Variants in SH3RF2 observed in about 807,000 individuals in gnomAD.
SH3RF2 encodes the protein E3 ubiquitin-protein ligase SH3RF2.
SH3RF2 carries 43 observed loss-of-function variants against 59.0 expected under a neutral mutation model. The ratio of observed to expected loss-of-function variants is 0.73; its 90% CI spans 0.57 to 0.94. The LOEUF (loss-of-function observed/expected upper bound fraction) is 0.94, where lower values mean the gene tolerates loss of function less well. SH3RF2 is among the 40% of genes least tolerant of loss of function. SH3RF2 has a pLI of 0.00. For synonymous variants in SH3RF2, 391 were observed against 391.5 expected (o/e 1.00, Z 0.01); for missense variants, 930 against 940.1 (o/e 0.99, Z 0.14).
chr5:145,950,564 G>C (rs1421694631), intron 2 of SH3RF2, among the ~76,000 whole-genome samples: 2 of 152,098 alleles, frequency 1.3e-5, no homozygotes, highest in Non-Finnish European at 2.9e-5. Context: ...TTCAGTGAGA[G>C]AAAAGAGGGA....
At chr5:145,970,272 C>G (rs113997436) in intron 2 of SH3RF2, among the ~76,000 whole-genome samples, 1 of 151,932 alleles carries the variant, frequency 6.6e-6, no homozygotes, top group African/African-American at 2.4e-5. Context: ...TTCACCTCCC[C>G]CTGCCACCCT....
rs535783660 is a variant in SH3RF2, at chr5:146,037,146, G to A, written c.1060-10626G>A. ...TAACCATTTATTGGGTACCTCATGT[G>A]AGCCGGACATTATGCAAAGCACTTT... On this transcript the variant is annotated intron_variant, in intron 5 of 9. Transcript: ENST00000359120. Among the ~76,000 whole-genome samples the A allele has an allele frequency of 1.1e-4, 17 of 152,298 alleles. No individual in the cohort carries two copies. The East Asian group carries it at 2.9e-3, about 26-fold the overall frequency.
chr5:145,938,186 CTCCT>C lies in SH3RF2; in HGVS notation c.262_265del (p.Phe88AlafsTer6). On this transcript the variant is annotated frameshift_variant, in exon 2 of 10. Coordinates refer to ENST00000359120, the MANE Select transcript of SH3RF2 (RefSeq NM_152550.4). LOFTEE classifies it high-confidence loss of function. ...CAGGGCAGAGCTCCGGGAGAGGGGG[CTCCT>C]TCCGCAGGCCTGGCACGATGACCTT... The C allele has an allele frequency of 1.9e-6, 3 of 1,613,994 alleles. No homozygotes were observed. Among genetic ancestry groups the C allele is most frequent in the Non-Finnish European group, 2.5e-6 (3 of 1,180,028 alleles).
At chr5:145,999,738 C>T (rs939435122) in intron 2 of SH3RF2, among the ~76,000 whole-genome samples, 2 of 152,036 alleles carry the variant, frequency 1.3e-5, no homozygotes, top group African/African-American at 4.8e-5. Context: ...TGGCGCCCCC[C>T]GAGACATTAC....
At chr5:145,964,791 C>T (rs1457841992) in intron 2 of SH3RF2, among the ~76,000 whole-genome samples, 7 of 152,188 alleles carry the variant, frequency 4.6e-5, no homozygotes, top group African/African-American at 1.2e-4. Context: ...TCACAAAGCA[C>T]GCTCCAGCAG....
chr5:146,071,020 A>G (rs1465239607), intron 9 of SH3RF2, among the ~76,000 whole-genome samples: 2 of 152,196 alleles, frequency 1.3e-5, no homozygotes, highest in Admixed American at 6.5e-5. Context: ...TTTGACTGCT[A>G]TAGGTCACAC....
chr5:146,047,721 T>C, intron 5 of SH3RF2, 51 bp from the exon 6 acceptor site: 2 of 1,569,564 alleles, frequency 1.3e-6, no homozygotes, highest in Non-Finnish European at 1.8e-6. Flanking sequence ...GCTGTGGGCC[T>C]GGGTTGTGGC....
intron 3 of SH3RF2, among the ~76,000 whole-genome samples, chr5:146,003,035 A>T (rs892413589): frequency 1.3e-5 from 2 of 152,236 alleles, no homozygotes; most frequent in African/African-American, 4.8e-5. Context: ...ATTTAAATCA[A>T]TCCTAATTCC....
rs146894450 is a variant in SH3RF2, at chr5:146,035,262, G to C, written c.1060-12510G>C. The stretch of plus-strand genomic sequence containing the variant: ...AGAGACAACAAACACATGGCAGAAA[G>C]TAAATTTTCTGAAGATGCTGAGATG... On this transcript the variant is annotated intron_variant, in intron 5 of 9. Coordinates refer to ENST00000359120, the MANE Select transcript of SH3RF2 (RefSeq NM_152550.4). 9.5e-3 allele frequency among the ~76,000 whole-genome samples: 1,441 copies of C among 152,240 alleles called. 30 individuals carry two copies. The highest frequency in any genetic ancestry group is 0.033 in the African/African-American group (1,379 of 41,532).
intron 4 of SH3RF2, among the ~76,000 whole-genome samples, chr5:146,007,261 C>T (rs1025968041): frequency 6.6e-6 from 1 of 152,180 alleles, no homozygotes; most frequent in African/African-American, 2.4e-5. Context: ...GTTAGGAGGC[C>T]TCTGCATTGC....
intron 2 of SH3RF2, among the ~76,000 whole-genome samples, chr5:145,987,170 A>G (rs1561725023): frequency 6.6e-6 from 1 of 152,202 alleles, no homozygotes; most frequent in African/African-American, 2.4e-5. Flanking sequence ...CAGGAATGAG[A>G]AAACAGGAAA....
rs184168026 is a variant in SH3RF2, at chr5:145,985,310, C to A, written c.379-14748C>A. 4.5e-4 allele frequency among the ~76,000 whole-genome samples: 69 copies of A among 152,306 alleles called. 1 individual carries two copies. The highest frequency in any genetic ancestry group is 1.6e-3 in the African/African-American group (66 of 41,562). On this transcript the variant is annotated intron_variant, in intron 2 of 9. Coordinates refer to ENST00000359120, the MANE Select transcript of SH3RF2 (RefSeq NM_152550.4). The stretch of plus-strand genomic sequence containing the variant: ...AAATAAGTATAAATACGCACACACA[C>A]AAACTTGTAAATCTTAAAAGATGGA...
At chr5:145,996,753 G>A (rs1760169829) in intron 2 of SH3RF2, among the ~76,000 whole-genome samples, 1 of 151,966 alleles carries the variant, frequency 6.6e-6, no homozygotes, top group Non-Finnish European at 1.5e-5. Flanking sequence ...TCACAGCCCT[G>A]TTCCTTGGGT....
At chr5:145,996,518 ATT>A (rs5871952) in intron 2 of SH3RF2, among the ~76,000 whole-genome samples, 1 of 151,940 alleles carries the variant, frequency 6.6e-6, no homozygotes, top group Admixed American at 6.5e-5. Context: ...GCTTGAGCTG[ATT>A]TTTTTTAAAA....
chr5:145,994,901 C>G (rs1293796921), intron 2 of SH3RF2, among the ~76,000 whole-genome samples: 2 of 152,144 alleles, frequency 1.3e-5, no homozygotes, highest in Non-Finnish European at 2.9e-5. Context: ...TAAAGGTTAG[C>G]TATTGATATT....
At position 145,938,158 on chromosome 5, in the gene SH3RF2, G is replaced by T; in HGVS notation, c.230G>T (p.Arg77Leu). The change falls in exon 2 of 10, where the codon CGC (arginine) becomes CTC (leucine). Residue 77 changes from arginine (R) to leucine (L), a missense_variant. Physicochemically the swap from Arg to Leu is moderately radical, Grantham distance 102. Transcript: ENST00000359120. ...CTCGTGCGCCTTCTGGATGGAGTGC[G>T]CTCAGGGCAGAGCTCCGGGAGAGGG... ...LLLVRLLDGV[R>L]SGQSSGRGGS... is the part of the protein sequence containing the mutation. 1 of 1,614,154 alleles carries T rather than the reference G, an allele frequency of 6.2e-7. No homozygotes were observed. The highest frequency in any genetic ancestry group is 8.5e-7 in the Non-Finnish European group (1 of 1,180,036).
intron 2 of SH3RF2, among the ~76,000 whole-genome samples, chr5:145,958,128 A>AAAAAC (rs200320341): frequency 2.0e-5 from 3 of 152,094 alleles, no homozygotes; most frequent in African/African-American, 7.2e-5. Flanking sequence ...AAAAAAACAA[A>AAAAAC]AAAACAAAAC....
intron 2 of SH3RF2, among the ~76,000 whole-genome samples, chr5:145,952,707 A>T (rs1177599463): frequency 6.6e-6 from 1 of 152,216 alleles, no homozygotes; most frequent in East Asian, 1.9e-4. Flanking sequence ...TCAGAAGCAG[A>T]TCCTGAGATG....
chr5:146,074,155 T>G (rs1763295275), intron 9 of SH3RF2, among the ~76,000 whole-genome samples: 1 of 150,824 alleles, frequency 6.6e-6, no homozygotes. Flanking sequence ...TTCTCCTGCC[T>G]CAGCCTCCCG....
Sources: allele counts gnomAD v4.1 joint callset (sites outside exome capture counted in the v4.1 genomes callset), GRCh38; gene constraint gnomAD v4.1.1; transcripts MANE v1.5; gene names NCBI Gene and HGNC (gene_info 2026-07-23, HGNC 2026-07-21).